Variants in FOXO3 observed in about 807,000 individuals in gnomAD.
The protein encoded by FOXO3 is forkhead box protein O3.
In FOXO3, 4 loss-of-function variants were observed where a neutral mutation model predicts 41.9. The observed-to-expected ratio is 0.10, with a 90% confidence interval of 0.05 to 0.22. The LOEUF is 0.22. Ranked by LOEUF, FOXO3 falls within the 10% of genes least tolerant of loss-of-function variation. The probability of loss-of-function intolerance (pLI) is 1.00; values close to 1 mark genes in which losing one functional copy is unlikely to be tolerated. For synonymous variants in FOXO3, 318 were observed against 389.3 expected, an observed-to-expected ratio of 0.82 and a Z score of 2.16; for missense variants, 534 against 906.8, an observed-to-expected ratio of 0.59 and a Z score of 5.28.
intron 1 of FOXO3, among the ~76,000 whole-genome samples, chr6:108,598,511 T>G (rs1647410752): frequency 6.6e-6 from 1 of 152,160 alleles, no homozygotes; most frequent in South Asian, 2.1e-4. Context: ...ACCAGCTGTC[T>G]GTGCTGGGCC....
At chr6:108,642,446 C>T (rs1317921775) in intron 1 of FOXO3, among the ~76,000 whole-genome samples, 1 of 151,968 alleles carries the variant, frequency 6.6e-6, no homozygotes, top group Non-Finnish European at 1.5e-5. Context: ...CTGCTGATAG[C>T]ATAACATTAA....
At chr6:108,572,554 A>G (rs1326912634) in intron 1 of FOXO3, among the ~76,000 whole-genome samples, 1 of 152,218 alleles carries the variant, frequency 6.6e-6, no homozygotes, top group Non-Finnish European at 1.5e-5. Context: ...GTAGGTACCC[A>G]GTAGGTGTTT....
intron 1 of FOXO3, among the ~76,000 whole-genome samples, chr6:108,624,092 A>C (rs902754671): frequency 6.6e-6 from 1 of 152,154 alleles, no homozygotes; most frequent in Non-Finnish European, 1.5e-5. Flanking sequence ...TCATCTCATG[A>C]ATCTGTTTGA....
intron 2 of FOXO3, among the ~76,000 whole-genome samples, chr6:108,673,399 G>C (rs1471573846): frequency 6.6e-6 from 1 of 152,234 alleles, no homozygotes; most frequent in Non-Finnish European, 1.5e-5. Flanking sequence ...GTCTCCCTCA[G>C]TTGTGGAGCC....
At chr6:108,598,573 T>C (rs1361116066) in intron 1 of FOXO3, among the ~76,000 whole-genome samples, 1 of 152,198 alleles carries the variant, frequency 6.6e-6, no homozygotes, top group Admixed American at 6.5e-5. Context: ...TGAACAAAGT[T>C]ACGCACAACA....
chr6:108,561,416 G>A lies in FOXO3; in HGVS notation c.208G>A (p.Gly70Arg), dbSNP rs1013497250. 13 of 1,542,750 alleles carry A rather than the reference G, an allele frequency of 8.4e-6. No individual in the cohort carries two copies. The African/African-American group carries it at 1.4e-4, about 16-fold the overall frequency. The part of the protein sequence containing the change: ...EEDDEDDEDG[G>R]GRAGSAMAIG... ...GGACGATGAAGACGACGAGGACGGC[G>A]GGGGACGGGCCGGCTCGGCCATGGC... The change falls in exon 1 of 3, where the codon GGG becomes AGG. Residue 70 changes from glycine (G) to arginine (R), a missense_variant. Transcript: ENST00000406360.
In FOXO3 at chr6:108,636,229, G is replaced by C. The variant is rs72942595; in HGVS notation, c.622-27226G>C. 5.4e-3 allele frequency among the ~76,000 whole-genome samples: 825 copies of C among 152,266 alleles called. 10 individuals are homozygous for C. Among genetic ancestry groups the C allele is most frequent in the African/African-American group, 0.019 (792 of 41,552 alleles). On this transcript the variant is annotated intron_variant, in intron 1 of 2. Coordinates refer to ENST00000406360, the MANE Select transcript of FOXO3 (RefSeq NM_001455.4). ...CAGTCTGTGTGTTACCTAGTGTATC[G>C]ATGTTGTTCATAGATGTTGGGGGTG...
intron 2 of FOXO3, among the ~76,000 whole-genome samples, chr6:108,674,455 C>T (rs1038459942): frequency 1.3e-5 from 2 of 152,128 alleles, no homozygotes; most frequent in Non-Finnish European, 2.9e-5. Flanking sequence ...AGTAGGTGCT[C>T]CATAAGTGTT....
In FOXO3 at chr6:108,575,661, C is replaced by A. The variant is rs555950756; in HGVS notation, c.621+13832C>A. 6.2e-4 allele frequency among the ~76,000 whole-genome samples: 95 copies of A among 152,212 alleles called. 2 individuals carry two copies. In the South Asian group the frequency reaches 0.018, roughly 29 times the overall value. On this transcript the variant is annotated intron_variant, in intron 1 of 2. Coordinates refer to ENST00000406360, the MANE Select transcript of FOXO3 (RefSeq NM_001455.4). ...TCCTTCATACTTTTGCATTTCAGTCCGAATTGGATACGGGTTTTTGTTGTC... is the reference window on the plus strand; with the variant it reads ...TCCTTCATACTTTTGCATTTCAGTCAGAATTGGATACGGGTTTTTGTTGTC...
At chr6:108,679,542 G>T (rs1770765559) in intron 2 of FOXO3, among the ~76,000 whole-genome samples, 1 of 152,050 alleles carries the variant, frequency 6.6e-6, no homozygotes, top group Non-Finnish European at 1.5e-5. Context: ...CCCTAATATG[G>T]CTTTCTTTAT....
rs1200994914 is a variant in FOXO3, at chr6:108,560,994, G to A, written c.-215G>A. 1.5e-6 allele frequency: 2 copies of A among 1,366,184 alleles called. No individual in the cohort carries two copies. The highest frequency in any genetic ancestry group is 1.5e-5 in the African/African-American group (1 of 64,958). The allele number at this position is 1,366,184 out of a possible 1,614,324, so 84.6% of individuals were successfully genotyped here. ...CTGGGAGGCGGGCGCGGCAGGACTG[G>A]GAGGTGGCGGCAGCGGGCGAGGACT... On this transcript the variant is annotated 5_prime_UTR_variant, in exon 1 of 3. Coordinates refer to ENST00000406360, the MANE Select transcript of FOXO3 (RefSeq NM_001455.4).
intron 1 of FOXO3, among the ~76,000 whole-genome samples, chr6:108,631,610 T>C (rs948986176): frequency 6.6e-6 from 1 of 152,146 alleles, no homozygotes; most frequent in African/African-American, 2.4e-5. Flanking sequence ...CTTGACATTT[T>C]TCCCCCCTTT....
chr6:108,606,194 C>T (rs551075142), intron 1 of FOXO3, among the ~76,000 whole-genome samples: 1 of 152,192 alleles, frequency 6.6e-6, no homozygotes, highest in Non-Finnish European at 1.5e-5. Context: ...AGAACCTCTT[C>T]CCTGTTGTAA....
At chr6:108,679,151 G>A (rs1048574028) in intron 2 of FOXO3, among the ~76,000 whole-genome samples, 3 of 152,126 alleles carry the variant, frequency 2.0e-5, no homozygotes, top group African/African-American at 4.8e-5. Flanking sequence ...GATTACAGGC[G>A]TGAGCCACTG....
At chr6:108,654,169 C>G (rs905352413) in intron 1 of FOXO3, among the ~76,000 whole-genome samples, 1 of 151,834 alleles carries the variant, frequency 6.6e-6, no homozygotes, top group African/African-American at 2.4e-5. Flanking sequence ...TGGGTGTGGG[C>G]AGAGGTTGCA....
At chr6:108,578,644 T>G (rs1351687952) in intron 1 of FOXO3, among the ~76,000 whole-genome samples, 1 of 152,258 alleles carries the variant, frequency 6.6e-6, no homozygotes, top group East Asian at 1.9e-4. Context: ...GTGTGTGATC[T>G]TTTTCTCTTG....
At chr6:108,629,709 G>GTC (rs1777908829) in intron 1 of FOXO3, among the ~76,000 whole-genome samples, 1 of 151,710 alleles carries the variant, frequency 6.6e-6, no homozygotes, top group African/African-American at 2.4e-5. Context: ...AGTAAGAAAG[G>GTC]TATCTACTTT....
chr6:108,633,137 T>C (rs1471668989), intron 1 of FOXO3, among the ~76,000 whole-genome samples: 1 of 152,212 alleles, frequency 6.6e-6, no homozygotes, highest in African/African-American at 2.4e-5. Context: ...GCATTGAGCA[T>C]AGTGCTTGAT....
intron 1 of FOXO3, among the ~76,000 whole-genome samples, chr6:108,590,792 C>T (rs2128362925): frequency 6.6e-6 from 1 of 152,260 alleles, no homozygotes; most frequent in South Asian, 2.1e-4. Context: ...GCCTTGCTTG[C>T]AAATATGGTT....
Sources: allele counts gnomAD v4.1 joint callset (sites outside exome capture counted in the v4.1 genomes callset), GRCh38; gene constraint gnomAD v4.1.1; transcripts MANE v1.5; gene names NCBI Gene and HGNC (gene_info 2026-07-23, HGNC 2026-07-21).